Variants in SIPA1L1 observed in about 807,000 individuals in gnomAD.
SIPA1L1 encodes the protein signal-induced proliferation-associated 1-like protein 1.
SIPA1L1 carries 26 observed loss-of-function variants against 162.7 expected under a neutral mutation model. The ratio of observed to expected loss-of-function variants is 0.16; its 90% CI spans 0.12 to 0.22. SIPA1L1 has a LOEUF of 0.22. Ranked by LOEUF, SIPA1L1 falls within the 10% of genes least tolerant of loss-of-function variation. The pLI, the probability that SIPA1L1 is intolerant of heterozygous loss-of-function variation, is 1.00. For missense variants in SIPA1L1, 1,874 were observed against 2,241.0 expected (o/e 0.84, Z 3.31); for synonymous variants, 829 against 837.4 (o/e 0.99, Z 0.17).
chr14:71,386,817 T>C (rs1316931388), intron 2 of SIPA1L1, among the ~76,000 whole-genome samples: 1 of 152,210 alleles, frequency 6.6e-6, no homozygotes, highest in African/African-American at 2.4e-5. Flanking sequence ...ACCAAGTTGA[T>C]CTACTGAGGC....
intron 2 of SIPA1L1, among the ~76,000 whole-genome samples, chr14:71,434,844 G>T (rs2044254910): frequency 6.6e-6 from 1 of 152,214 alleles, no homozygotes; most frequent in Non-Finnish European, 1.5e-5. Context: ...GCCTCCCAAA[G>T]TCCTGGGATT....
intron 3 of SIPA1L1, among the ~76,000 whole-genome samples, chr14:71,524,373 C>A (rs527878659): frequency 6.6e-6 from 1 of 152,120 alleles, no homozygotes; most frequent in African/African-American, 2.4e-5. Context: ...GTTTATGTTT[C>A]GCTTTAGGTT....
intron 17 of SIPA1L1, among the ~76,000 whole-genome samples, chr14:71,721,231 AC>A (rs1418943120): frequency 2.0e-5 from 3 of 152,190 alleles, no homozygotes; most frequent in Non-Finnish European, 4.4e-5. Flanking sequence ...ATGGGCTTGG[AC>A]AGGATAAGGG....
intron 17 of SIPA1L1, among the ~76,000 whole-genome samples, chr14:71,714,195 C>T (rs568379639): frequency 6.6e-6 from 1 of 152,196 alleles, no homozygotes; most frequent in Non-Finnish European, 1.5e-5. Context: ...TGCCACACCT[C>T]TTCCAGCTTT....
At chr14:71,564,490 C>CTTTTTTTTCTT (rs1555459921) in intron 4 of SIPA1L1, among the ~76,000 whole-genome samples, 1 of 97,830 alleles carries the variant, frequency 1.0e-5, no homozygotes, top group Non-Finnish European at 1.9e-5. Flanking sequence ...CATTTTCTTT[C>CTTTTTTTTCTT]TTTTTTTTTT....
At chr14:71,542,355 TTTC>T (rs71105785) in intron 4 of SIPA1L1, among the ~76,000 whole-genome samples, 23,065 of 125,664 alleles carry the variant, frequency 0.18, 2,595 homozygotes, top group Middle Eastern at 0.39. Flanking sequence ...TTCTTTCCTC[TTTC>T]TTCTTCTTCC....
intron 7 of SIPA1L1, among the ~76,000 whole-genome samples, chr14:71,641,913 C>T (rs2041752758): frequency 6.6e-6 from 1 of 152,140 alleles, no homozygotes; most frequent in Admixed American, 6.6e-5. Flanking sequence ...CAAAGAGGAA[C>T]CAGGAGCTAT....
chr14:71,539,762 A>G (rs1038488971), intron 4 of SIPA1L1, among the ~76,000 whole-genome samples: 3 of 152,124 alleles, frequency 2.0e-5, no homozygotes, highest in Admixed American at 6.5e-5. Context: ...CTTCCCATGG[A>G]GAGATGTGTG....
Position 71,671,162 on chromosome 14 carries a change from C to T in SIPA1L1, c.2299C>T (p.Pro767Ser). 6.2e-7 allele frequency: 1 copy of T among 1,613,406 alleles called. No homozygotes were observed. Among genetic ancestry groups the T allele is most frequent in the Non-Finnish European group, 8.5e-7 (1 of 1,179,478 alleles). ...CAGAGATGTGCCTTCCTTTGGGCCT[C>T]CCATTCCTAAAGGGGTCACTTTCCC... ...RSRDVPSFGPPIPKGVTFPKS... is the reference protein window; with the variant it reads ...RSRDVPSFGPSIPKGVTFPKS... Residue 767 changes from proline (P) to serine (S), a missense_variant, in exon 11 of 24, where the codon CCC (proline) becomes TCC (serine). Transcript: ENST00000381232.
At chr14:71,489,278 G>T (rs963782903) in intron 2 of SIPA1L1, among the ~76,000 whole-genome samples, 4 of 152,158 alleles carry the variant, frequency 2.6e-5, no homozygotes, top group Admixed American at 2.6e-4. Context: ...ACTCTGAAAG[G>T]CAGTATGCCT....
At chr14:71,342,545 T>C (rs2035771386) in intron 2 of SIPA1L1, among the ~76,000 whole-genome samples, 1 of 152,214 alleles carries the variant, frequency 6.6e-6, no homozygotes, top group African/African-American at 2.4e-5. Flanking sequence ...AGTTCAGTCT[T>C]GGCTTTTCCA....
intron 2 of SIPA1L1, among the ~76,000 whole-genome samples, chr14:71,370,112 G>A: frequency 7.3e-6 from 1 of 136,214 alleles, no homozygotes; most frequent in African/African-American, 2.8e-5. Flanking sequence ...CTGCAAACAG[G>A]GACAATTTGA....
At chr14:71,360,088 A>G (rs1256093741) in intron 2 of SIPA1L1, among the ~76,000 whole-genome samples, 1 of 152,218 alleles carries the variant, frequency 6.6e-6, no homozygotes, top group Non-Finnish European at 1.5e-5. Flanking sequence ...GGGGTCATCT[A>G]GATGTGAGAG....
At position 71,650,246 on chromosome 14, in the gene SIPA1L1, G is replaced by A. The variant is rs747064041; in HGVS notation, c.1819-89G>A. ...GAAGAAAGGTGTTAGCTATTTTCTG[G>A]GCATGTGCCCTATAGGACCTTTTAG... On this transcript the variant is annotated intron_variant, in intron 7 of 23. Coordinates refer to ENST00000381232, the MANE Select transcript of SIPA1L1 (RefSeq NM_001386936.1). The A allele has an allele frequency of 2.6e-5, 34 of 1,290,814 alleles. 2 individuals are homozygous for A. Among genetic ancestry groups the A allele is most frequent in the Non-Finnish European group, 1.9e-5 (17 of 888,624 alleles). 80.0% of individuals were successfully genotyped at this position (1,290,814 alleles called of 1,614,324 possible).
chr14:71,413,528 A>T (rs557222888), intron 2 of SIPA1L1, among the ~76,000 whole-genome samples: 1 of 152,310 alleles, frequency 6.6e-6, no homozygotes, highest in South Asian at 2.1e-4. Flanking sequence ...ACCTGAGGTG[A>T]GGAGTTCAAG....
intron 4 of SIPA1L1, 54 bp downstream of exon 4, chr14:71,529,424 T>C: frequency 1.7e-6 from 1 of 578,324 alleles, no homozygotes; most frequent in Non-Finnish European, 3.2e-6. Context: ...AGTGTTGATT[T>C]TCTGTGTTTA....
intron 2 of SIPA1L1, among the ~76,000 whole-genome samples, chr14:71,378,045 A>G (rs572163134): frequency 3.3e-5 from 5 of 152,092 alleles, no homozygotes; most frequent in South Asian, 2.1e-4. Flanking sequence ...TTAAATGTCT[A>G]TAGGATCTCT....
chr14:71,344,212 T>G (rs1328895527), intron 2 of SIPA1L1, among the ~76,000 whole-genome samples: 1 of 152,226 alleles, frequency 6.6e-6, no homozygotes, highest in Non-Finnish European at 1.5e-5. Context: ...TCATAGTGTT[T>G]CATATTAAGT....
intron 2 of SIPA1L1, among the ~76,000 whole-genome samples, chr14:71,356,839 G>A (rs909065448): frequency 6.6e-6 from 1 of 151,252 alleles, no homozygotes; most frequent in African/African-American, 2.4e-5. Flanking sequence ...CAAAGACAGA[G>A]AAATTCCAGG....
Sources: gnomAD v4.1 joint callset for allele counts (sites outside exome capture counted in the v4.1 genomes callset) on GRCh38, gnomAD v4.1.1 for gene constraint, MANE v1.5 for transcripts, NCBI Gene and HGNC (gene_info 2026-07-23, HGNC 2026-07-21) for gene names.